Variants in SPINK8 observed in about 807,000 individuals in gnomAD.
The protein encoded by SPINK8 is serine peptidase inhibitor Kazal type 8 (putative), also known as serine protease inhibitor Kazal-type 8.
In SPINK8, 12 loss-of-function variants were observed where a neutral mutation model predicts 14.4. That is an observed-to-expected ratio of 0.83 (90% CI 0.53 to 1.35). The LOEUF is 1.35. Ranked by LOEUF, SPINK8 falls within the 40% of genes most tolerant of loss-of-function variation. The pLI is 0.00. For missense variants in SPINK8, 103 were observed against 117.0 expected (o/e 0.88, Z 0.55); for synonymous variants, 32 against 37.6 (o/e 0.85, Z 0.55).
Position 48,306,998 on chromosome 3 carries a change from G to A in SPINK8, c.288C>T (p.Asn96=). The stretch of plus-strand genomic sequence containing the variant: ...ATAATTCTTTGTCGTACGTTCAAGA[G>A]TTTTCCTGCAAGAGAAGTATCTGCT... ...ITKLYDGQCE[N]S Residue 96 remains asparagine, a synonymous_variant, in exon 8 of 8, where the codon AAC becomes AAT. Transcript: ENST00000434006. The A allele has an allele frequency of 6.2e-7, 1 of 1,613,266 alleles. No homozygotes were observed.
intron 6 of SPINK8, among the ~76,000 whole-genome samples, chr3:48,315,360 A>G (rs1224298236): frequency 6.6e-6 from 1 of 152,202 alleles, no homozygotes; most frequent in South Asian, 2.1e-4. Context: ...CAGTCAATGG[A>G]ATCTGTCACT....
chr3:48,333,227 A>ATGC (rs2036288508), intron 1 of SPINK8, among the ~76,000 whole-genome samples: 1 of 152,158 alleles, frequency 6.6e-6, no homozygotes, highest in East Asian at 1.9e-4. Flanking sequence ...TATAATTTAT[A>ATGC]CTTCCCTTGG....
intron 6 of SPINK8, among the ~76,000 whole-genome samples, chr3:48,315,378 C>T (rs552847125): frequency 2.6e-5 from 4 of 152,196 alleles, no homozygotes; most frequent in African/African-American, 9.6e-5. Flanking sequence ...ACTGAGGAAG[C>T]CCAGATGTTG....
In SPINK8 at chr3:48,328,351, A is replaced by C; in HGVS notation, c.-10T>G. ...AGCAGATCCCCTTCATGGTGACAGA[A>C]GAACTGTGGAAATATGCAACTTTTG... On this transcript the variant is annotated 5_prime_UTR_variant, in exon 4 of 8. Coordinates refer to ENST00000434006, the MANE Select transcript of SPINK8 (RefSeq NM_001080525.3). 1.2e-6 allele frequency: 2 copies of C among 1,608,746 alleles called. No individual in the cohort carries two copies. The highest frequency in any genetic ancestry group is 2.2e-5 in the East Asian group (1 of 44,790).
chr3:48,332,094 T>A (rs1162171258), intron 2 of SPINK8, among the ~76,000 whole-genome samples: 2 of 152,214 alleles, frequency 1.3e-5, no homozygotes, highest in Admixed American at 1.3e-4. Flanking sequence ...CAATCTTTTT[T>A]AAAGTGTCCT....
At chr3:48,329,391 C>T (rs1420329576) in intron 2 of SPINK8, among the ~76,000 whole-genome samples, 117 bp from the exon 3 acceptor site, 1 of 152,200 alleles carries the variant, frequency 6.6e-6, no homozygotes, top group Non-Finnish European at 1.5e-5. Context: ...TTTCAAATTT[C>T]TGAGGGTGAT....
At chr3:48,319,700 A>C in intron 5 of SPINK8, 82 bp from the exon 6 acceptor site, 4 of 1,569,914 alleles carry the variant, frequency 2.5e-6, no homozygotes, top group Non-Finnish European at 3.5e-6. Context: ...TGGGAGGTGG[A>C]TGGAATACGA....
At chr3:48,323,293 C>T (rs1157092182) in intron 4 of SPINK8, among the ~76,000 whole-genome samples, 2 of 151,966 alleles carry the variant, frequency 1.3e-5, no homozygotes, top group East Asian at 3.9e-4. Context: ...TACAGGTGTG[C>T]ACCACCACAC....
At chr3:48,333,139 A>C (rs1434185669) in intron 1 of SPINK8, among the ~76,000 whole-genome samples, 5 of 152,188 alleles carry the variant, frequency 3.3e-5, no homozygotes, top group Non-Finnish European at 7.3e-5. Context: ...TCTCTTAATG[A>C]AAAGAAAGTT....
chr3:48,325,645 T>C (rs944128505), intron 4 of SPINK8, among the ~76,000 whole-genome samples: 4 of 149,360 alleles, frequency 2.7e-5, no homozygotes, highest in African/African-American at 9.9e-5. Flanking sequence ...CAAGCTGGAG[T>C]GCAATGGTGC....
At chr3:48,316,532 TGGA>T in intron 6 of SPINK8, 1 of 153,064 alleles carries the variant, frequency 6.5e-6, no homozygotes, top group Middle Eastern at 2.6e-3. Flanking sequence ...CTTTGGGAGG[TGGA>T]GGAGGGTGGA....
intron 6 of SPINK8, among the ~76,000 whole-genome samples, chr3:48,317,580 A>G (rs1429233629): frequency 1.3e-5 from 2 of 151,982 alleles, no homozygotes; most frequent in African/African-American, 4.8e-5. Flanking sequence ...CAGTGGCGCG[A>G]TCTTGGCTCA....
chr3:48,319,444 A>G, intron 6 of SPINK8, 53 bp downstream of exon 6: 2 of 1,607,684 alleles, frequency 1.2e-6, no homozygotes, highest in South Asian at 1.1e-5. Flanking sequence ...CCCTCTTTTG[A>G]CCACTCTTAA....
chr3:48,313,742 T>A (rs946225548), intron 6 of SPINK8, among the ~76,000 whole-genome samples: 4 of 152,136 alleles, frequency 2.6e-5, no homozygotes, highest in Non-Finnish European at 5.9e-5. Flanking sequence ...AATAAAAAAA[T>A]TGTGGTATAT....
At chr3:48,307,949 T>C (rs564488471) in intron 7 of SPINK8, among the ~76,000 whole-genome samples, 35 of 149,502 alleles carry the variant, frequency 2.3e-4, no homozygotes, top group South Asian at 4.3e-4. Flanking sequence ...AATTCTGACT[T>C]CAGTCTGCAT....
At chr3:48,308,356 C>A (rs2035878360) in intron 7 of SPINK8, among the ~76,000 whole-genome samples, 1 of 152,156 alleles carries the variant, frequency 6.6e-6, no homozygotes, top group Admixed American at 6.5e-5. Context: ...ATTATATCAA[C>A]AATTTCATCA....
intron 1 of SPINK8, among the ~76,000 whole-genome samples, chr3:48,333,059 G>A (rs1487971208): frequency 2.6e-5 from 4 of 151,978 alleles, no homozygotes; most frequent in East Asian, 3.9e-4. Flanking sequence ...GGGGAACGCC[G>A]GGGCAGGGGG....
At chr3:48,318,502 T>C (rs776554876) in intron 6 of SPINK8, among the ~76,000 whole-genome samples, 2 of 152,242 alleles carry the variant, frequency 1.3e-5, no homozygotes, top group African/African-American at 4.8e-5. Context: ...AGATGTCTCC[T>C]GGTTCCAGCA....
chr3:48,319,470 GAA>G, intron 6 of SPINK8, 25 bp downstream of exon 6: 1 of 1,613,698 alleles, frequency 6.2e-7, no homozygotes, highest in African/African-American at 1.3e-5. Flanking sequence ...TGACTTGAAA[GAA>G]AGGGAGAACA....
Sources: allele counts gnomAD v4.1 joint callset (sites outside exome capture counted in the v4.1 genomes callset), GRCh38; gene constraint gnomAD v4.1.1; transcripts MANE v1.5; gene names NCBI Gene and HGNC (gene_info 2026-07-23, HGNC 2026-07-21).